The following TXNL1 variants were observed in gnomAD, a reference collection of about 807,000 sequenced individuals.
TXNL1 encodes the protein thioredoxin-like protein 1.
TXNL1 carries 14 observed loss-of-function variants against 35.5 expected under a neutral mutation model. The observed-to-expected ratio is 0.39, with a 90% confidence interval of 0.26 to 0.62. The LOEUF is 0.62. TXNL1 is among the 20% of genes least tolerant of loss of function. The probability of loss-of-function intolerance (pLI) is 0.47; values close to 1 mark genes in which losing one functional copy is unlikely to be tolerated. For synonymous variants in TXNL1, 110 were observed against 115.5 expected (o/e 0.95, Z 0.31); for missense variants, 263 against 349.7 (o/e 0.75, Z 1.98).
intron 1 of TXNL1, among the ~76,000 whole-genome samples, chr18:56,636,933 G>C (rs904861533): frequency 2.0e-5 from 3 of 152,090 alleles, no homozygotes; most frequent in Admixed American, 1.3e-4. Context: ...CTATTATTAA[G>C]AATACAGACA....
chr18:56,631,164 G>A (rs2024364169), intron 1 of TXNL1, among the ~76,000 whole-genome samples: 1 of 152,186 alleles, frequency 6.6e-6, no homozygotes, highest in Non-Finnish European at 1.5e-5. Context: ...ACAAGTGTGA[G>A]CCACTGTGCC....
In TXNL1 at chr18:56,597,746, TAGCTCTA is replaced by T. The variant is rs2144262799; in HGVS notation, c.*5274_*5280del. 2 of 152,382 alleles carry T rather than the reference TAGCTCTA, an allele frequency of 1.3e-5. No individual in the cohort carries two copies. The highest frequency in any genetic ancestry group is 3.9e-4 in the East Asian group (2 of 5,194). 9.4% of individuals were successfully genotyped at this position (152,382 alleles called of 1,614,324 possible). A position where few individuals can be genotyped will look rare whatever the true frequency, so the allele number is the denominator to read the frequency against. On this transcript the variant is annotated 3_prime_UTR_variant, in exon 8 of 8. Transcript: ENST00000217515. ...TAAACAACTCCTAGTTCCTTGCTTC[TAGCTCTA>T]AGCTCTAAAATCACATTCCTGGCTT...
rs931851542 is a variant in TXNL1 at position 56,599,203 on chromosome 18, G to A, written c.*3824C>T. 2 of 150,662 alleles carry A rather than the reference G, an allele frequency of 1.3e-5. No homozygotes were observed. Among genetic ancestry groups the A allele is most frequent in the Admixed American group, 1.3e-4 (2 of 15,142 alleles). 9.3% of individuals were successfully genotyped at this position (150,662 alleles called of 1,614,324 possible). ...ATTCTCCAACTAATAATTTTACATG[G>A]ACCACAAAGTTTAAAAGCGATCTTA... is the stretch of plus-strand genomic sequence containing the variant. On this transcript the variant is annotated 3_prime_UTR_variant, in exon 8 of 8. Transcript: ENST00000217515.
chr18:56,605,672 T>C (rs541924589), intron 7 of TXNL1, among the ~76,000 whole-genome samples: 7 of 152,194 alleles, frequency 4.6e-5, no homozygotes, highest in East Asian at 1.9e-4. Flanking sequence ...AAAAAATCCA[T>C]TGACAACAAC....
At chr18:56,635,717 A>C (rs1204618263) in intron 1 of TXNL1, among the ~76,000 whole-genome samples, 1 of 152,148 alleles carries the variant, frequency 6.6e-6, no homozygotes, top group African/African-American at 2.4e-5. Context: ...GTTATAGGAA[A>C]CAGTGGTGAT....
At chr18:56,605,893 A>G (rs1471429526) in intron 7 of TXNL1, among the ~76,000 whole-genome samples, 1 of 152,246 alleles carries the variant, frequency 6.6e-6, no homozygotes, top group Non-Finnish European at 1.5e-5. Flanking sequence ...ATAAGAAGTC[A>G]GTGACATACT....
At chr18:56,606,985 CTTTTTTA>C (rs889167111) in intron 7 of TXNL1, among the ~76,000 whole-genome samples, 3 of 151,944 alleles carry the variant, frequency 2.0e-5, no homozygotes, top group Non-Finnish European at 4.4e-5. Flanking sequence ...TGGTGTTAAT[CTTTTTTA>C]TTTTTCTTTC....
chr18:56,615,152 C>A (rs1030402595), intron 5 of TXNL1, among the ~76,000 whole-genome samples: 1 of 151,918 alleles, frequency 6.6e-6, no homozygotes, highest in African/African-American at 2.4e-5. Flanking sequence ...GTGGTAAAGT[C>A]CCATGTATAG....
At chr18:56,626,015 TG>T (rs2024272344) in intron 2 of TXNL1, 1 of 196,500 alleles carries the variant, frequency 5.1e-6, no homozygotes, top group African/African-American at 2.3e-5. Context: ...AAGAACTCCT[TG>T]CCACTGCTAT....
chr18:56,624,170 A>T, intron 3 of TXNL1, 118 bp downstream of exon 3: 1 of 1,146,926 alleles, frequency 8.7e-7, no homozygotes, highest in Non-Finnish European at 1.2e-6. Flanking sequence ...GCTCTTATTT[A>T]AAAGTATTCT....
At chr18:56,609,287 T>C (rs2023952612) in intron 7 of TXNL1, 1 of 151,932 alleles carries the variant, frequency 6.6e-6, no homozygotes, top group African/African-American at 2.4e-5. Context: ...ACAAATACTC[T>C]CAAACAAAAA....
chr18:56,620,814 T>C (rs1194385313), intron 3 of TXNL1, among the ~76,000 whole-genome samples: 1 of 152,180 alleles, frequency 6.6e-6, no homozygotes, highest in Non-Finnish European at 1.5e-5. Flanking sequence ...AAAATGGTAA[T>C]AATCATTAGT....
Position 56,638,456 on chromosome 18 carries a change from G to C in TXNL1, c.-16C>G, listed in dbSNP as rs112309088. ...CCCCCACCATCCTCACAGAGAGCCC[G>C]GCAGGGTGGCCGCGACGCCACTGGC... On this transcript the variant is annotated 5_prime_UTR_variant, in exon 1 of 8. Coordinates refer to ENST00000217515, the MANE Select transcript of TXNL1 (RefSeq NM_004786.3). 3.8e-5 allele frequency: 61 copies of C among 1,607,370 alleles called. No individual in the cohort carries two copies. In the Middle Eastern group the frequency reaches 1.5e-3, roughly 39 times the overall value.
intron 1 of TXNL1, among the ~76,000 whole-genome samples, chr18:56,633,752 G>A (rs555535798): frequency 1.3e-5 from 2 of 151,954 alleles, no homozygotes; most frequent in Admixed American, 6.6e-5. Context: ...TTGAGAGGCC[G>A]AGGCGGGCAG....
intron 1 of TXNL1, among the ~76,000 whole-genome samples, chr18:56,634,070 A>G (rs1223389255): frequency 6.6e-6 from 1 of 151,844 alleles, no homozygotes; most frequent in African/African-American, 2.4e-5. Context: ...GACACAATGT[A>G]TATTCTTTTA....
At chr18:56,635,125 G>A (rs190346331) in intron 1 of TXNL1, among the ~76,000 whole-genome samples, 2 of 152,150 alleles carry the variant, frequency 1.3e-5, no homozygotes, top group African/African-American at 4.8e-5. Context: ...GGGCATGGTG[G>A]TATGTGTCTG....
intron 5 of TXNL1, among the ~76,000 whole-genome samples, chr18:56,615,617 T>C (rs2024073834): frequency 6.6e-6 from 1 of 152,028 alleles, no homozygotes; most frequent in Non-Finnish European, 1.5e-5. Context: ...TTCCTCAAAA[T>C]AAAAGGAATT....
At chr18:56,617,017 G>C (rs2024098982) in intron 4 of TXNL1, among the ~76,000 whole-genome samples, 1 of 152,176 alleles carries the variant, frequency 6.6e-6, no homozygotes, top group Non-Finnish European at 1.5e-5. Context: ...AAAATTTCAT[G>C]AAGCCTGAAC....
chr18:56,625,629 A>C (rs2024264464), intron 2 of TXNL1, among the ~76,000 whole-genome samples: 1 of 152,194 alleles, frequency 6.6e-6, no homozygotes, highest in Non-Finnish European at 1.5e-5. Context: ...TAAGTGCTGA[A>C]ACATAAATGT....
Sources: allele counts gnomAD v4.1 joint callset (sites outside exome capture counted in the v4.1 genomes callset), GRCh38; gene constraint gnomAD v4.1.1; transcripts MANE v1.5; gene names NCBI Gene and HGNC (gene_info 2026-07-23, HGNC 2026-07-21).